The following ROBO2 variants were observed in gnomAD, a reference collection of about 807,000 sequenced individuals.
ROBO2 encodes roundabout homolog 2.
Under a neutral mutation model 160.8 loss-of-function variants are expected in ROBO2, and 53 were observed. That is an observed-to-expected ratio of 0.33 (90% CI 0.26 to 0.41). The LOEUF is 0.41. Among genes scored for constraint, ROBO2 ranks in the 10% least tolerant of loss-of-function variants. ROBO2 has a pLI of 1.00. For synonymous variants in ROBO2, 664 were observed against 611.7 expected (o/e 1.09, Z -1.26); for missense variants, 1,577 against 1,722.4 (o/e 0.92, Z 1.49).
intron 2 of ROBO2, among the ~76,000 whole-genome samples, chr3:75,971,739 T>C (rs1236747449): frequency 6.6e-6 from 1 of 151,488 alleles, no homozygotes; most frequent in African/African-American, 2.4e-5. Context: ...CAATACAGCA[T>C]GTATACACCA....
rs148397618 is a variant in ROBO2 at position 75,980,150 on chromosome 3, C to T, written c.109+42548C>T. On this transcript the variant is annotated intron_variant, in intron 2 of 26. Transcript: ENST00000487694. ...GACGATACAGGGCAAAGTATTTTGC[C>T]GTCACGGACTTCAGATTTCATAAAG... 1.3e-4 allele frequency among the ~76,000 whole-genome samples: 19 copies of T among 151,506 alleles called. No homozygotes were observed. The East Asian group carries it at 2.7e-3, about 22-fold the overall frequency.
chr3:76,155,105 C>A (rs2072355199), intron 2 of ROBO2, among the ~76,000 whole-genome samples: 1 of 152,008 alleles, frequency 6.6e-6, no homozygotes, highest in Admixed American at 6.6e-5. Context: ...AAGAAGTGTC[C>A]CTTTGTAAAA....
chr3:76,133,414 T>G lies in ROBO2; in HGVS notation c.109+195812T>G, dbSNP rs371078405. The stretch of plus-strand genomic sequence containing the variant: ...GTATTAGTCTCTAGAGACTAATACA[T>G]GTATTAGTCTACTAGTCTCTAAAGG... On this transcript the variant is annotated intron_variant, in intron 2 of 26. Coordinates refer to the ROBO2 transcript ENST00000487694. 2.6e-5 allele frequency among the ~76,000 whole-genome samples: 4 copies of G among 152,090 alleles called. No individual in the cohort carries two copies. The East Asian group carries it at 5.8e-4, about 22-fold the overall frequency.
chr3:76,244,861 C>G (rs971420437), intron 2 of ROBO2, among the ~76,000 whole-genome samples: 1 of 152,162 alleles, frequency 6.6e-6, no homozygotes, highest in African/African-American at 2.4e-5. Flanking sequence ...GACCCCATCA[C>G]TTAATACATT....
intron 22 of ROBO2, among the ~76,000 whole-genome samples, chr3:77,620,353 G>A (rs1165621109): frequency 2.0e-5 from 3 of 152,178 alleles, no homozygotes; most frequent in African/African-American, 7.2e-5. Context: ...TAAATGTTAT[G>A]TGTCCTCTTC....
intron 2 of ROBO2, among the ~76,000 whole-genome samples, chr3:76,452,992 CATGTCCTTTGCCCACTTTTTG>C (rs2109297199): frequency 6.6e-6 from 1 of 152,272 alleles, no homozygotes; most frequent in East Asian, 1.9e-4. Context: ...AGTGTCTGTT[CATGTCCTTTGCCCACTTTTTG>C]ATGGGGTTGT....
At chr3:76,250,526 A>T (rs1412334376) in intron 2 of ROBO2, among the ~76,000 whole-genome samples, 3 of 152,044 alleles carry the variant, frequency 2.0e-5, no homozygotes, top group Non-Finnish European at 4.4e-5. Flanking sequence ...GGGTTGCCAT[A>T]TCTTTATAAT....
rs563543426 is a variant in ROBO2 at position 76,226,940 on chromosome 3, C to T, written c.109+289338C>T. On this transcript the variant is annotated intron_variant, in intron 2 of 26. Coordinates refer to the ROBO2 transcript ENST00000487694. ...TGAAAGCCCATGAAAGTCCAGGAGGCCTCACTGTGCATGTCAGCTCTAAAC... is the reference window on the plus strand; with the variant it reads ...TGAAAGCCCATGAAAGTCCAGGAGGTCTCACTGTGCATGTCAGCTCTAAAC... 5.3e-5 allele frequency among the ~76,000 whole-genome samples: 8 copies of T among 152,126 alleles called. No homozygotes were observed. In the South Asian group the frequency reaches 1.7e-3, roughly 32 times the overall value.
chr3:76,739,559 T>A (rs751624193), intron 2 of ROBO2, among the ~76,000 whole-genome samples: 2 of 151,990 alleles, frequency 1.3e-5, no homozygotes, highest in Non-Finnish European at 2.9e-5. Context: ...CACACCAGCA[T>A]GGCACATGTA....
At chr3:76,436,725 G>C (rs1189731704) in intron 2 of ROBO2, among the ~76,000 whole-genome samples, 2 of 152,110 alleles carry the variant, frequency 1.3e-5, no homozygotes, top group Admixed American at 6.6e-5. Flanking sequence ...CCAGGAAGTT[G>C]AGCTCAAGAA....
At chr3:76,775,783 G>A (rs1186324561) in intron 2 of ROBO2, among the ~76,000 whole-genome samples, 1 of 150,568 alleles carries the variant, frequency 6.6e-6, no homozygotes, top group South Asian at 2.1e-4. Context: ...ATTGTATTAC[G>A]AAGCTTAGGA....
intron 2 of ROBO2, among the ~76,000 whole-genome samples, chr3:77,401,133 C>G (rs564714298): frequency 5.3e-5 from 8 of 152,012 alleles, no homozygotes; most frequent in African/African-American, 1.9e-4. Flanking sequence ...AAATGTCATG[C>G]CTTTGTTTAG....
intron 2 of ROBO2, among the ~76,000 whole-genome samples, chr3:76,887,423 A>G (rs1231827425): frequency 6.6e-6 from 1 of 152,022 alleles, no homozygotes; most frequent in Non-Finnish European, 1.5e-5. Context: ...AACAGAGGGA[A>G]AGAGTTGAAA....
rs1004593717 is a variant in ROBO2 at position 76,635,124 on chromosome 3, G to T, written c.110-462890G>T. On this transcript the variant is annotated intron_variant, in intron 2 of 26. Coordinates refer to the ROBO2 transcript ENST00000487694. ...GCTGCTATTACAAATACTAATATCG[G>T]TGTTGTTATTGGAGTTCTTACTTGG... 2.0e-5 allele frequency among the ~76,000 whole-genome samples: 3 copies of T among 152,196 alleles called. No individual in the cohort carries two copies. In the East Asian group the frequency reaches 5.8e-4, roughly 29 times the overall value.
At chr3:77,644,159 G>C (rs900228888) in intron 24 of ROBO2, among the ~76,000 whole-genome samples, 1 of 151,898 alleles carries the variant, frequency 6.6e-6, no homozygotes, top group African/African-American at 2.4e-5. Context: ...TTAAATGTGT[G>C]AGTTTCTCTT....
At chr3:77,039,810 C>G, upstream of ROBO2, 1 of 152,476 alleles carries the variant, frequency 6.6e-6, no homozygotes, top group Non-Finnish European at 1.5e-5. Context: ...CGCCTTCCCT[C>G]CTAGAAGTCC....
intron 2 of ROBO2, among the ~76,000 whole-genome samples, chr3:76,454,042 TA>T (rs2077618005): frequency 6.6e-6 from 1 of 152,188 alleles, no homozygotes; most frequent in Non-Finnish European, 1.5e-5. Context: ...CCAAAGACAC[TA>T]AAATTGATGC....
intron 2 of ROBO2, among the ~76,000 whole-genome samples, chr3:77,113,956 A>C (rs1158583107): frequency 1.3e-5 from 2 of 152,204 alleles, no homozygotes; most frequent in Admixed American, 1.3e-4. Context: ...TTAGATATGG[A>C]AACTGAGTCC....
In ROBO2 at chr3:76,573,660, G is replaced by C. The variant is rs988723005; in HGVS notation, c.110-524354G>C. On this transcript the variant is annotated intron_variant, in intron 2 of 26. Coordinates refer to the ROBO2 transcript ENST00000487694. ...TTTTTTGAACCAGCATTATCATCCT[G>C]CTAGTTCCCTTAATAATTTATATAG... is the stretch of plus-strand genomic sequence containing the variant. 7.9e-5 allele frequency among the ~76,000 whole-genome samples: 12 copies of C among 151,224 alleles called. No homozygotes were observed. In the Admixed American group the frequency reaches 7.9e-4, roughly 10 times the overall value.
Sources: gnomAD v4.1 joint callset for allele counts (sites outside exome capture counted in the v4.1 genomes callset) on GRCh38, gnomAD v4.1.1 for gene constraint, MANE v1.5 for transcripts, NCBI Gene and HGNC (gene_info 2026-07-23, HGNC 2026-07-21) for gene names.